Variants in NEDD4L observed in about 807,000 individuals in gnomAD.
The protein encoded by NEDD4L is NEDD4 like E3 ubiquitin protein ligase.
A neutral mutation model predicts 148.9 loss-of-function variants in NEDD4L; 54 were observed. That is an observed-to-expected ratio of 0.36 (90% CI 0.29 to 0.45). The LOEUF (loss-of-function observed/expected upper bound fraction) is 0.45. Among genes scored for constraint, NEDD4L ranks in the 20% least tolerant of loss-of-function variants. The probability of loss-of-function intolerance (pLI) is 1.00; values close to 1 mark genes in which losing one functional copy is unlikely to be tolerated. For synonymous variants in NEDD4L, 433 were observed against 440.7 expected, an observed-to-expected ratio of 0.98 and a Z score of 0.22; for missense variants, 856 against 1,233.8, an observed-to-expected ratio of 0.69 and a Z score of 4.59.
intron 5 of NEDD4L, among the ~76,000 whole-genome samples, chr18:58,258,478 C>T (rs1039975652): frequency 2.6e-5 from 4 of 152,196 alleles, no homozygotes; most frequent in African/African-American, 7.2e-5. Context: ...AAAGTTCAAA[C>T]TCATTTGGTT....
intron 2 of NEDD4L, among the ~76,000 whole-genome samples, chr18:58,223,586 G>T (rs975574443): frequency 1.3e-5 from 2 of 152,106 alleles, no homozygotes; most frequent in Non-Finnish European, 2.9e-5. Flanking sequence ...TACTTCTTAG[G>T]GTTTTACCAA....
In NEDD4L at chr18:58,083,488, C is replaced by T. The variant is rs373111316; in HGVS notation, c.48+38780C>T. On this transcript the variant is annotated intron_variant, in intron 1 of 30. Transcript: ENST00000400345. ...GGATCACGAGGTCAGGAGATCGAGA[C>T]CATCCTGGCTAACACAGTGAAACCC... Among the ~76,000 whole-genome samples, 14 of 152,182 alleles carry T rather than the reference C, an allele frequency of 9.2e-5. No homozygotes were observed. In the East Asian group the frequency reaches 1.9e-3, roughly 21 times the overall value.
intron 5 of NEDD4L, among the ~76,000 whole-genome samples, chr18:58,254,188 C>G (rs995796850): frequency 6.6e-6 from 1 of 152,156 alleles, no homozygotes; most frequent in Non-Finnish European, 1.5e-5. Flanking sequence ...ACTCTGGATG[C>G]TAGAGCTGTT....
intron 2 of NEDD4L, among the ~76,000 whole-genome samples, chr18:58,206,996 T>G (rs76436685): frequency 0.017 from 2,521 of 152,370 alleles, 113 homozygotes; most frequent in East Asian, 0.14. Flanking sequence ...GTGTCTCCCC[T>G]GTTGTCCTTT....
chr18:58,128,387 C>T (rs953288818), intron 1 of NEDD4L, among the ~76,000 whole-genome samples: 6 of 152,134 alleles, frequency 3.9e-5, no homozygotes, highest in African/African-American at 1.4e-4. Flanking sequence ...CTTAATAGGT[C>T]AAAGAACCCT....
chr18:58,144,898 A>C (rs947836541), intron 1 of NEDD4L, among the ~76,000 whole-genome samples: 15 of 152,210 alleles, frequency 9.9e-5, no homozygotes, highest in African/African-American at 3.6e-4. Context: ...ATACATGTGC[A>C]TGTGGTACCA....
At chr18:58,388,177 G>T (rs569187880) in intron 27 of NEDD4L, 1 of 152,374 alleles carries the variant, frequency 6.6e-6, no homozygotes, top group South Asian at 2.1e-4. Flanking sequence ...TTGTTGTGTC[G>T]AGAGAAACAG....
chr18:58,248,466 G>T (rs960047549), intron 3 of NEDD4L, among the ~76,000 whole-genome samples: 1 of 151,956 alleles, frequency 6.6e-6, no homozygotes, highest in Non-Finnish European at 1.5e-5. Context: ...AAAATGTTAA[G>T]ATTTCAATAT....
chr18:58,247,950 C>T (rs896479206), intron 3 of NEDD4L, among the ~76,000 whole-genome samples: 2 of 152,188 alleles, frequency 1.3e-5, no homozygotes, highest in African/African-American at 4.8e-5. Context: ...AACGCCGGTT[C>T]AGTGTTGTGT....
chr18:58,237,080 C>T (rs1437812075), intron 2 of NEDD4L, among the ~76,000 whole-genome samples: 3 of 151,964 alleles, frequency 2.0e-5, no homozygotes, highest in Admixed American at 6.6e-5. Flanking sequence ...TCAGCTTCTT[C>T]GAGCTCTTAA....
At position 58,166,282 on chromosome 18, in the gene NEDD4L, T is replaced by G. The variant is rs150802832; in HGVS notation, c.122+421T>G. 3.7e-3 allele frequency among the ~76,000 whole-genome samples: 562 copies of G among 152,370 alleles called. 1 individual carries two copies. The highest frequency in any genetic ancestry group is 0.012 in the African/African-American group (508 of 41,588). On this transcript the variant is annotated intron_variant, in intron 2 of 30. Transcript: ENST00000400345. ...GTATAATCTGAATTAAGAGATTTGG[T>G]GATTTGGGGCGAATGTGGTGATTTC... is the stretch of plus-strand genomic sequence containing the variant.
rs118155185 is a variant in NEDD4L at position 58,160,117 on chromosome 18, A to G, written c.49-5671A>G. 6.9e-3 allele frequency among the ~76,000 whole-genome samples: 1,051 copies of G among 152,342 alleles called. 7 individuals carry two copies. The highest frequency in any genetic ancestry group is 0.019 in the South Asian group (94 of 4,830). ...CCAGTATCTTGAGTTTTGAGTTGGAACTTGAAATTTATTTTACTACAAGAA... is the reference window on the plus strand; with the variant it reads ...CCAGTATCTTGAGTTTTGAGTTGGAGCTTGAAATTTATTTTACTACAAGAA... On this transcript the variant is annotated intron_variant, in intron 1 of 30. Coordinates refer to ENST00000400345, the MANE Select transcript of NEDD4L (RefSeq NM_001144967.3).
At chr18:58,351,706 A>G (rs2043911135) in intron 18 of NEDD4L, among the ~76,000 whole-genome samples, 1 of 152,070 alleles carries the variant, frequency 6.6e-6, no homozygotes, top group African/African-American at 2.4e-5. Context: ...TCATGGAATC[A>G]TATTTCTATG....
rs149820031 is a variant in NEDD4L, at chr18:58,340,781, C to T, written c.1126-257C>T. ...TGATCACCTTGGCAGCAACCCTTTA[C>T]GTTTGAGACTACGGGGTCTTAGAAC... is the stretch of plus-strand genomic sequence containing the variant. On this transcript the variant is annotated intron_variant, in intron 13 of 30. Transcript: ENST00000400345. Among the ~76,000 whole-genome samples, 843 of 152,258 alleles carry T rather than the reference C, an allele frequency of 5.5e-3. 5 individuals carry two copies. Among genetic ancestry groups the T allele is most frequent in the Non-Finnish European group, 6.7e-3 (457 of 68,010 alleles).
intron 4 of NEDD4L, among the ~76,000 whole-genome samples, chr18:58,251,286 G>C (rs2148497812): frequency 6.6e-6 from 1 of 152,334 alleles, no homozygotes; most frequent in South Asian, 2.1e-4. Context: ...AGCACTTTGA[G>C]AGGCCAAGGC....
chr18:58,362,912 T>C (rs1400437108), intron 19 of NEDD4L, among the ~76,000 whole-genome samples: 1 of 152,246 alleles, frequency 6.6e-6, no homozygotes, highest in East Asian at 1.9e-4. Context: ...TTAACAAATT[T>C]ATACCTTGCC....
At chr18:58,071,180 A>G (rs2082858717) in intron 1 of NEDD4L, among the ~76,000 whole-genome samples, 1 of 152,204 alleles carries the variant, frequency 6.6e-6, no homozygotes, top group African/African-American at 2.4e-5. Context: ...GCATGTCTAA[A>G]GAATCACATG....
intron 6 of NEDD4L, among the ~76,000 whole-genome samples, chr18:58,320,795 G>A (rs965219722): frequency 1.3e-5 from 2 of 152,160 alleles, no homozygotes; most frequent in Non-Finnish European, 2.9e-5. Flanking sequence ...AGCCTGGACA[G>A]CAGAAGACCC....
intron 1 of NEDD4L, among the ~76,000 whole-genome samples, chr18:58,100,930 C>G (rs1011582819): frequency 6.6e-6 from 1 of 152,104 alleles, no homozygotes; most frequent in African/African-American, 2.4e-5. Context: ...CTTGGCCTCC[C>G]GAGTAGCTGG....
Sources: allele counts gnomAD v4.1 joint callset (sites outside exome capture counted in the v4.1 genomes callset), GRCh38; gene constraint gnomAD v4.1.1; transcripts MANE v1.5; gene names NCBI Gene and HGNC (gene_info 2026-07-23, HGNC 2026-07-21).